Variants in LOC112694756 observed in about 807,000 individuals in gnomAD.
chr16:30,070,085 G>C, the LOC112694756 span: 1 of 1,613,722 alleles, frequency 6.2e-7, no homozygotes, highest in Non-Finnish European at 8.5e-7. Context: ...TCGGAGAAGA[G>C]CCCTTCTCAC....
chr16:30,069,225 T>G, the LOC112694756 span: 1 of 1,509,470 alleles, frequency 6.6e-7, no homozygotes, highest in Non-Finnish European at 9.2e-7. Flanking sequence ...CAAGATACGG[T>G]CTTGACCAGT....
chr16:30,067,112 C>G, the LOC112694756 span: 1 of 1,571,940 alleles, frequency 6.4e-7, no homozygotes, highest in Non-Finnish European at 8.6e-7. Flanking sequence ...CCAGGGCCTG[C>G]TGGGTGTGGG....
chr16:30,066,482 G>T, the LOC112694756 span, among the ~76,000 whole-genome samples: 8 of 152,244 alleles, frequency 5.3e-5, no homozygotes, highest in Non-Finnish European at 8.8e-5. Context: ...CCACGTTCTT[G>T]CCCCGTAGGA....
At chr16:30,061,956 AC>A in the LOC112694756 span, among the ~76,000 whole-genome samples, 1 of 151,716 alleles carries the variant, frequency 6.6e-6, no homozygotes, top group East Asian at 2.0e-4. Flanking sequence ...TAATCCCAGC[AC>A]TTTGGGAGGC....
chr16:30,067,146 C>T, the LOC112694756 span: 2 of 1,591,896 alleles, frequency 1.3e-6, no homozygotes, highest in Non-Finnish European at 1.7e-6. Context: ...GGAACATTTC[C>T]CTGACCTCCA....
the LOC112694756 span, among the ~76,000 whole-genome samples, chr16:30,060,039 A>G: frequency 1.3e-5 from 2 of 151,006 alleles, no homozygotes; most frequent in East Asian, 2.0e-4. Context: ...AGTGCAGTAA[A>G]ACAATCTCGG....
chr16:30,058,395 A>T, the LOC112694756 span, among the ~76,000 whole-genome samples: 3 of 151,992 alleles, frequency 2.0e-5, no homozygotes, highest in Non-Finnish European at 4.4e-5. Context: ...TGGAGGTTAT[A>T]TGGCTGGATC....
At chr16:30,069,730 T>A in the LOC112694756 span, 1 of 1,611,636 alleles carries the variant, frequency 6.2e-7, no homozygotes, top group African/African-American at 1.3e-5. Context: ...CCCACAACCC[T>A]ATGCCCATTT....
the LOC112694756 span, chr16:30,068,638 C>T: frequency 1.9e-6 from 3 of 1,614,066 alleles, no homozygotes; most frequent in Admixed American, 5.0e-5. Context: ...TTACCCTGAC[C>T]CCAACAGGTA....
At chr16:30,061,931 G>C in the LOC112694756 span, among the ~76,000 whole-genome samples, 1 of 151,878 alleles carries the variant, frequency 6.6e-6, no homozygotes, top group African/African-American at 2.4e-5. Context: ...GGCTGGGCGC[G>C]GTGGCTCACA....
chr16:30,065,517 G>A, the LOC112694756 span, among the ~76,000 whole-genome samples: 2 of 152,316 alleles, frequency 1.3e-5, no homozygotes, highest in Non-Finnish European at 2.9e-5. Flanking sequence ...TGGGGGAAAG[G>A]AGCAGAAGGG....
At chr16:30,069,849 A>T in the LOC112694756 span, 4 of 1,614,078 alleles carry the variant, frequency 2.5e-6, no homozygotes, top group Admixed American at 3.3e-5. Flanking sequence ...TCCTGTCTGG[A>T]GGCCAGAGTG....
chr16:30,057,853 C>A, the LOC112694756 span, among the ~76,000 whole-genome samples: 3 of 152,138 alleles, frequency 2.0e-5, no homozygotes, highest in African/African-American at 4.8e-5. Flanking sequence ...ATAGCTTGAA[C>A]CCAGTAGGCA....
the LOC112694756 span, among the ~76,000 whole-genome samples, chr16:30,059,314 G>A: frequency 1.3e-5 from 2 of 151,682 alleles, no homozygotes; most frequent in Non-Finnish European, 2.9e-5. Flanking sequence ...TGGCTAACAC[G>A]GTAAAACCCC....
chr16:30,061,456 T>C, the LOC112694756 span, among the ~76,000 whole-genome samples: 87 of 149,578 alleles, frequency 5.8e-4, no homozygotes, highest in African/African-American at 2.0e-3. Context: ...CTCCTGGCAC[T>C]GGGAGGCAGA....
the LOC112694756 span, chr16:30,067,238 TTGCTACTACCAGCACCA>T: frequency 6.2e-7 from 1 of 1,612,202 alleles, no homozygotes. Flanking sequence ...ATCCAGGAAC[TTGCTACTACCAGCACCA>T]TGCCCTACCA....
chr16:30,067,193 C>G, the LOC112694756 span: 1 of 1,611,470 alleles, frequency 6.2e-7, no homozygotes, highest in South Asian at 1.1e-5. Flanking sequence ...TGATGGGAAA[C>G]CCTAGCTAAC....
At chr16:30,058,493 C>CT in the LOC112694756 span, among the ~76,000 whole-genome samples, 328 of 141,442 alleles carry the variant, frequency 2.3e-3, 2 homozygotes, top group South Asian at 5.6e-3. Flanking sequence ...TTTCTTTTTT[C>CT]TTTTTTTTTT....
the LOC112694756 span, chr16:30,069,465 C>T: frequency 6.2e-7 from 1 of 1,614,024 alleles, no homozygotes. Context: ...CTCTCCTCCA[C>T]CCCACTACCC....
Sources: allele counts gnomAD v4.1 joint callset (sites outside exome capture counted in the v4.1 genomes callset), GRCh38; gene constraint gnomAD v4.1.1; transcripts MANE v1.5.